VIRMA: variants seen among roughly 807,000 people sequenced by gnomAD.
VIRMA encodes the protein protein virilizer homolog.
Under a neutral mutation model 182.4 loss-of-function variants are expected in VIRMA, and 65 were observed. That is an observed-to-expected ratio of 0.36 (90% CI 0.29 to 0.44). The LOEUF (loss-of-function observed/expected upper bound fraction) is 0.44. Ranked by LOEUF, VIRMA falls within the 20% of genes least tolerant of loss-of-function variation. The pLI, the probability that VIRMA is intolerant of heterozygous loss-of-function variation, is 1.00. For synonymous variants in VIRMA, 709 were observed against 743.1 expected (o/e 0.95, Z 0.75); for missense variants, 1,752 against 2,158.1 (o/e 0.81, Z 3.73).
intron 1 of VIRMA, 133 bp downstream of exon 1, chr8:94,553,252 G>C (rs777166041): frequency 1.0e-4 from 87 of 870,234 alleles, no homozygotes; most frequent in Non-Finnish European, 7.8e-5. Flanking sequence ...ACACAGCTCG[G>C]GGGAGGGTGT....
intron 8 of VIRMA, among the ~76,000 whole-genome samples, chr8:94,521,552 A>G (rs1814770585): frequency 6.6e-6 from 1 of 152,222 alleles, no homozygotes; most frequent in African/African-American, 2.4e-5. Context: ...TTAATTATTA[A>G]GAATATCATA....
At chr8:94,500,181 C>T (rs1366941872) in intron 16 of VIRMA, among the ~76,000 whole-genome samples, 2 of 151,740 alleles carry the variant, frequency 1.3e-5, no homozygotes, top group African/African-American at 2.4e-5. Flanking sequence ...GGGCAGATCA[C>T]GAGGTCAGGA....
At chr8:94,515,098 C>CTT (rs796163204) in intron 10 of VIRMA, 147 bp from the exon 11 acceptor site, 335 of 313,924 alleles carry the variant, frequency 1.1e-3, no homozygotes, top group South Asian at 1.6e-3. Context: ...GCATCTAATT[C>CTT]TTTTTTTTTT....
chr8:94,534,929 T>A lies in VIRMA; in HGVS notation c.394A>T (p.Ile132Leu). The A allele has an allele frequency of 6.2e-7, 1 of 1,614,022 alleles. No individual in the cohort carries two copies. The highest frequency in any genetic ancestry group is 2.2e-5 in the East Asian group (1 of 44,880). ...LAIYGSVDRV[I>L]SHDRDSPPPP... ...GGTGGAGAGTCTCTGTCATGACTTA[T>A]CACTCTATCCACTGATCCATATATT... is the stretch of plus-strand genomic sequence containing the variant. The change falls in exon 5 of 24, where the codon ATA (isoleucine) becomes TTA (leucine). Residue 132 changes from isoleucine (I) to leucine (L), a missense_variant. By Grantham distance (5) the Ile-to-Leu change is conservative. Around this residue, in one of 11 missense-constraint regions of VIRMA, gnomAD observed 195 missense variants for 191.7 expected, o/e 1.02. Coordinates refer to ENST00000297591, the MANE Select transcript of VIRMA (RefSeq NM_015496.5).
At chr8:94,500,005 A>G (rs902197663) in intron 16 of VIRMA, among the ~76,000 whole-genome samples, 1 of 150,398 alleles carries the variant, frequency 6.6e-6, no homozygotes, top group African/African-American at 2.5e-5. Context: ...GCGAGCCGAA[A>G]TCACGCCACT....
At chr8:94,520,184 T>C (rs1010197907) in intron 8 of VIRMA, among the ~76,000 whole-genome samples, 7 of 45,556 alleles carry the variant, frequency 1.5e-4, no homozygotes, top group African/African-American at 7.4e-4. Flanking sequence ...AGACCCTGCA[T>C]CAAAAAAAAA....
chr8:94,500,200 C>T (rs3099409), intron 16 of VIRMA, among the ~76,000 whole-genome samples: 18,231 of 151,856 alleles, frequency 0.12, 1,599 homozygotes, highest in African/African-American at 0.24. Flanking sequence ...GAGATCAAGA[C>T]CATCCTGGCT....
chr8:94,527,113 C>T lies in VIRMA; in HGVS notation c.1131G>A (p.Gly377=). The T allele has an allele frequency of 6.2e-7, 1 of 1,614,102 alleles. No individual in the cohort carries two copies. The highest frequency in any genetic ancestry group is 1.7e-5 in the Admixed American group (1 of 60,002). The change falls in exon 8 of 24, where the codon GGG becomes GGA. Residue 377 remains glycine, a synonymous_variant. Transcript: ENST00000297591. ...TTAACTTCACTGAGGCTTCGATTGC[C>T]CCTGAATTTTCTTTATCTGGACCTT... The part of the protein sequence containing the change: ...KDQGPDKENS[G]AIEASVKLTE...
At chr8:94,495,443 A>T (rs1813737750) in intron 19 of VIRMA, among the ~76,000 whole-genome samples, 1 of 152,184 alleles carries the variant, frequency 6.6e-6, no homozygotes, top group African/African-American at 2.4e-5. Flanking sequence ...AAATAACTTG[A>T]AAACTAATTC....
At chr8:94,536,807 G>A (rs564268438) in intron 4 of VIRMA, among the ~76,000 whole-genome samples, 6 of 152,148 alleles carry the variant, frequency 3.9e-5, no homozygotes, top group African/African-American at 9.6e-5. Context: ...GTGAAACCCC[G>A]TCCCTACTAA....
At chr8:94,498,026 G>A (rs1457076642) in intron 17 of VIRMA, 1 of 152,012 alleles carries the variant, frequency 6.6e-6, no homozygotes, top group Non-Finnish European at 1.5e-5. Flanking sequence ...AAAAAACAGG[G>A]AGAGAAAGAG....
intron 2 of VIRMA, among the ~76,000 whole-genome samples, chr8:94,541,000 AATAC>A (rs1815530051): frequency 6.6e-6 from 1 of 152,146 alleles, no homozygotes. Flanking sequence ...GTAATAATAA[AATAC>A]ATATATAAGC....
intron 8 of VIRMA, among the ~76,000 whole-genome samples, chr8:94,524,461 C>A (rs555753617): frequency 1.3e-5 from 2 of 151,998 alleles, no homozygotes; most frequent in Admixed American, 6.6e-5. Context: ...CCCACCACCA[C>A]ACCCGACTAA....
chr8:94,506,269 G>A (rs559802842), intron 16 of VIRMA, among the ~76,000 whole-genome samples: 1 of 152,302 alleles, frequency 6.6e-6, no homozygotes, highest in African/African-American at 2.4e-5. Context: ...ACTGTACCAT[G>A]CCCACAGTAA....
chr8:94,497,417 T>G, intron 17 of VIRMA: 1 of 145,464 alleles, frequency 6.9e-6, no homozygotes. Context: ...TTTCTTTCTT[T>G]CTTTCTTTTT....
chr8:94,545,851 C>T (rs1341521071), intron 1 of VIRMA, among the ~76,000 whole-genome samples: 2 of 151,936 alleles, frequency 1.3e-5, no homozygotes, highest in Admixed American at 6.6e-5. Context: ...GGGCAGGGTT[C>T]AAGAAGATCA....
At position 94,499,463 on chromosome 8, in the gene VIRMA, G is replaced by A. The variant is rs750680167; in HGVS notation, c.4141C>T (p.Arg1381Ter). The A allele has an allele frequency of 1.2e-6, 2 of 1,608,320 alleles. No individual in the cohort carries two copies. Among genetic ancestry groups the A allele is most frequent in the Non-Finnish European group, 1.7e-6 (2 of 1,176,252 alleles). The change falls in exon 17 of 24, where the codon CGA (arginine) becomes TGA (stop). Residue 1381 changes from arginine (R) to a stop codon, truncating the protein, a stop_gained. Coordinates refer to ENST00000297591, the MANE Select transcript of VIRMA (RefSeq NM_015496.5). LOFTEE classifies it high-confidence loss of function. The part of the protein sequence containing the change: ...NSSALHSLLK[R>*]VVSTFSKDTG... ...TCCTTACTAAATGTGCTGACCACTCGTTTCAGTAAACTATGCAGAGCACTA... is the reference window on the plus strand; with the variant it reads ...TCCTTACTAAATGTGCTGACCACTCATTTCAGTAAACTATGCAGAGCACTA...
intron 2 of VIRMA, among the ~76,000 whole-genome samples, chr8:94,542,714 G>A (rs1386163817): frequency 6.6e-6 from 1 of 152,174 alleles, no homozygotes; most frequent in Non-Finnish European, 1.5e-5. Flanking sequence ...TGGAAAAAAA[G>A]ATATGAAGTC....
At chr8:94,492,306 C>G (rs3102855) in intron 21 of VIRMA, among the ~76,000 whole-genome samples, 2 of 147,500 alleles carry the variant, frequency 1.4e-5, no homozygotes, top group Non-Finnish European at 1.5e-5. Flanking sequence ...TTTTGAGAGA[C>G]AGAGTCTTGC....
Sources: allele counts gnomAD v4.1 joint callset (sites outside exome capture counted in the v4.1 genomes callset), GRCh38; gene constraint gnomAD v4.1.1; regional missense constraint gnomAD v4.1.1; transcripts MANE v1.5; gene names NCBI Gene and HGNC (gene_info 2026-07-23, HGNC 2026-07-21).